Variants in TRAPPC10 observed in about 807,000 individuals in gnomAD.
The protein encoded by TRAPPC10 is trafficking protein particle complex subunit 10, also known as TRAPP 130 kDa subunit.
A neutral mutation model predicts 125.5 loss-of-function variants in TRAPPC10; 23 were observed. The observed-to-expected ratio is 0.18, with a 90% CI of 0.13 to 0.26. The LOEUF is 0.26. TRAPPC10 is among the 10% of genes least tolerant of loss of function. The probability of loss-of-function intolerance (pLI) is 1.00; values close to 1 mark genes in which losing one functional copy is unlikely to be tolerated. For synonymous variants in TRAPPC10, 509 were observed against 518.0 expected, an observed-to-expected ratio of 0.98 and a Z score of 0.24; for missense variants, 1,123 against 1,308.4, an observed-to-expected ratio of 0.86 and a Z score of 2.19.
At chr21:44,048,619 A>G (rs1397268873) in intron 3 of TRAPPC10, among the ~76,000 whole-genome samples, 1 of 151,912 alleles carries the variant, frequency 6.6e-6, no homozygotes, top group Non-Finnish European at 1.5e-5. Context: ...TCAGCCTGCT[A>G]AATAGCTGGG....
At chr21:44,032,857 A>G (rs2033698082) in intron 2 of TRAPPC10, among the ~76,000 whole-genome samples, 1 of 152,236 alleles carries the variant, frequency 6.6e-6, no homozygotes, top group African/African-American at 2.4e-5. Flanking sequence ...CTTAAAGCGG[A>G]AGAACTGGGC....
chr21:44,038,924 C>T (rs2034195567), intron 3 of TRAPPC10, among the ~76,000 whole-genome samples: 1 of 152,228 alleles, frequency 6.6e-6, no homozygotes, highest in African/African-American at 2.4e-5. Flanking sequence ...GGGGAAGCCT[C>T]TGCCGGAGAC....
intron 17 of TRAPPC10, 177 bp downstream of exon 17, chr21:44,088,105 G>A (rs768841407): frequency 8.5e-5 from 53 of 623,074 alleles, no homozygotes; most frequent in Admixed American, 1.5e-4. Context: ...GATAAGGGGT[G>A]CATTTTTTGC....
chr21:44,053,081 C>T (rs1281705388), intron 4 of TRAPPC10, among the ~76,000 whole-genome samples: 2 of 152,140 alleles, frequency 1.3e-5, no homozygotes, highest in Admixed American at 6.5e-5. Context: ...TAGCTTAGCA[C>T]TGGAACTCAC....
chr21:44,093,649 T>A (rs2038734617), intron 19 of TRAPPC10, among the ~76,000 whole-genome samples: 1 of 151,718 alleles, frequency 6.6e-6, no homozygotes, highest in Admixed American at 6.6e-5. Context: ...TCCCAGCTAC[T>A]CGGGAGGCTG....
intron 3 of TRAPPC10, among the ~76,000 whole-genome samples, chr21:44,044,223 T>C (rs924364679): frequency 1.2e-4 from 18 of 152,218 alleles, no homozygotes; most frequent in African/African-American, 4.1e-4. Flanking sequence ...TCTGCCCTTA[T>C]TTTTCGTAAA....
intron 7 of TRAPPC10, among the ~76,000 whole-genome samples, chr21:44,071,951 C>G (rs865935529): frequency 6.6e-6 from 1 of 152,146 alleles, no homozygotes; most frequent in African/African-American, 2.4e-5. Context: ...CCTGCCTGCT[C>G]TCTCCCACCT....
intron 15 of TRAPPC10, among the ~76,000 whole-genome samples, chr21:44,084,566 C>G (rs568724985): frequency 3.3e-5 from 5 of 152,298 alleles, no homozygotes; most frequent in Admixed American, 3.3e-4. Flanking sequence ...TATTGGCTCA[C>G]TCAACCTAAT....
rs1465149917 is a variant in TRAPPC10, at chr21:44,059,400, A to G, written c.790+186A>G. 1.4e-6 allele frequency: 1 copy of G among 702,024 alleles called. No individual in the cohort carries two copies. Among genetic ancestry groups the G allele is most frequent in the Non-Finnish European group, 2.6e-6 (1 of 382,098 alleles). 43.5% of individuals were successfully genotyped at this position (702,024 alleles called of 1,614,324 possible). A position where few individuals can be genotyped will look rare whatever the true frequency, so the allele number is the denominator to read the frequency against. ...ATGAAATGAGAATTAAGAATTAGTCATTTTCACTTTTAGAAGAATCTTAAG... is the reference window on the plus strand; with the variant it reads ...ATGAAATGAGAATTAAGAATTAGTCGTTTTCACTTTTAGAAGAATCTTAAG... On this transcript the variant is annotated intron_variant, in intron 6 of 22. Transcript: ENST00000291574. The surrounding 1 kb of genome is among the most constrained non-coding windows in gnomAD (Gnocchi z 4.4).
At position 44,084,281 on chromosome 21, in the gene TRAPPC10, C is replaced by G. The variant is rs1435110448; in HGVS notation, c.2380+18C>G. On this transcript the variant is annotated intron_variant, in intron 15 of 22. Transcript: ENST00000291574. ...GCTGGCTGGTGAGTGGGGTCCCCAGCCTTTGAGGAGGCGTGCTGCTGGGGC... is the reference window on the plus strand; with the variant it reads ...GCTGGCTGGTGAGTGGGGTCCCCAGGCTTTGAGGAGGCGTGCTGCTGGGGC... 2 of 1,610,762 alleles carry G rather than the reference C, an allele frequency of 1.2e-6. No individual in the cohort carries two copies. The highest frequency in any genetic ancestry group is 2.2e-5 in the East Asian group (1 of 44,824).
At chr21:44,085,493 G>A (rs1010414695) in intron 15 of TRAPPC10, among the ~76,000 whole-genome samples, 2 of 152,050 alleles carry the variant, frequency 1.3e-5, no homozygotes, top group African/African-American at 2.4e-5. Context: ...TAAGCCAGTC[G>A]GGGCAGGATG....
intron 2 of TRAPPC10, 70 bp from the exon 3 acceptor site, chr21:44,037,722 G>A: frequency 6.5e-7 from 1 of 1,539,286 alleles, no homozygotes; most frequent in South Asian, 1.2e-5. Flanking sequence ...ATTATTTGTT[G>A]TTCTATTTCC....
intron 2 of TRAPPC10, among the ~76,000 whole-genome samples, chr21:44,036,975 A>G (rs545217213): frequency 6.6e-6 from 1 of 152,240 alleles, no homozygotes; most frequent in African/African-American, 2.4e-5. Flanking sequence ...CCCAAAGGAC[A>G]GGGGAAAACT....
rs749486731 is a variant in TRAPPC10 at position 44,083,083 on chromosome 21, G to A, written c.2019G>A (p.Ala673=). 24 of 1,613,850 alleles carry A rather than the reference G, an allele frequency of 1.5e-5. No homozygotes were observed. Among genetic ancestry groups the A allele is most frequent in the Admixed American group, 5.0e-5 (3 of 59,984 alleles). ...CTGTATCCCAAAACAGTTTGCCCGC[G>A]CTGGAGTTGTATGAAATGTTTGAGA... ...PFPVSQNSLP[A]LELYEMFERS... is the part of the protein sequence containing the mutation. The change falls in exon 14 of 23, where the codon GCG becomes GCA. Residue 673 remains alanine (A), a synonymous_variant. Transcript: ENST00000291574.
intron 3 of TRAPPC10, among the ~76,000 whole-genome samples, chr21:44,048,305 C>T (rs917476073): frequency 6.6e-6 from 1 of 152,152 alleles, no homozygotes; most frequent in African/African-American, 2.4e-5. Context: ...GGGAGTCTGC[C>T]AGCTTCCCCT....
At chr21:44,041,563 G>C (rs7276709) in intron 3 of TRAPPC10, among the ~76,000 whole-genome samples, 21,461 of 151,708 alleles carry the variant, frequency 0.14, 1,719 homozygotes, top group South Asian at 0.25. Context: ...TTGGAGACGG[G>C]GTTTCTCCAT....
At chr21:44,051,795 G>A (rs1195318367) in intron 3 of TRAPPC10, among the ~76,000 whole-genome samples, 2 of 152,248 alleles carry the variant, frequency 1.3e-5, no homozygotes, top group African/African-American at 4.8e-5. Flanking sequence ...GGCTGTGGTA[G>A]AAGCTGCCGG....
In TRAPPC10 at chr21:44,081,017, CTTTTTTTTTTTTT is replaced by C. The variant is rs67865929; in HGVS notation, c.1723+898_1723+910del. Among the ~76,000 whole-genome samples the C allele has an allele frequency of 9.3e-5, 9 of 97,196 alleles. No individual in the cohort carries two copies. In the East Asian group the frequency reaches 1.2e-3, roughly 13 times the overall value. The allele number at this position is 97,196 out of a possible 152,430, so 63.8% of individuals were successfully genotyped here. ...CAATATTATTGTTCTTTTTTTTTTT[CTTTTTTTTTTTTT>C]TTTTTTTGACTATCTTGCTCTCTTG... On this transcript the variant is annotated intron_variant, in intron 13 of 22. Coordinates refer to ENST00000291574, the MANE Select transcript of TRAPPC10 (RefSeq NM_003274.5).
chr21:44,077,327 G>A (rs1291238470), intron 10 of TRAPPC10, among the ~76,000 whole-genome samples: 1 of 152,196 alleles, frequency 6.6e-6, no homozygotes, highest in Non-Finnish European at 1.5e-5. Flanking sequence ...GGTGGCTCAC[G>A]CCTGTAATTC....
Sources: allele counts gnomAD v4.1 joint callset (sites outside exome capture counted in the v4.1 genomes callset), GRCh38; gene constraint gnomAD v4.1.1; non-coding constraint Gnocchi (gnomAD v3.1); transcripts MANE v1.5; gene names NCBI Gene and HGNC (gene_info 2026-07-23, HGNC 2026-07-21).